The following VCAN variants were observed in gnomAD, a reference collection of about 807,000 sequenced individuals.
VCAN encodes the protein versican core protein.
A neutral mutation model predicts 245.5 loss-of-function variants in VCAN; 44 were observed. The observed-to-expected ratio is 0.18, with a 90% CI of 0.14 to 0.23. The LOEUF is 0.23. VCAN is among the 10% of genes least tolerant of loss of function. The probability of loss-of-function intolerance (pLI) is 1.00; values close to 1 mark genes in which losing one functional copy is unlikely to be tolerated. For missense variants in VCAN, 3,793 were observed against 4,057.9 expected, an observed-to-expected ratio of 0.93 and a Z score of 1.77; for synonymous variants, 1,413 against 1,437.0, an observed-to-expected ratio of 0.98 and a Z score of 0.38.
intron 8 of VCAN, among the ~76,000 whole-genome samples, chr5:83,542,936 A>G (rs542993397): frequency 1.3e-4 from 20 of 152,198 alleles, no homozygotes; most frequent in South Asian, 4.1e-4. Flanking sequence ...ACTGATTCAT[A>G]TAAGCCATCT....
intron 8 of VCAN, among the ~76,000 whole-genome samples, chr5:83,543,791 C>T (rs1052054111): frequency 3.9e-5 from 6 of 152,280 alleles, no homozygotes; most frequent in East Asian, 1.9e-4. Context: ...TTATAGTTTG[C>T]GTCTTCATTG....
rs995956337 is a variant in VCAN, at chr5:83,558,816, A to T, written c.9735+3778A>T. The stretch of plus-strand genomic sequence containing the variant: ...GTTGTTATCATTGATGAAATGCCAA[A>T]TTCTCATTTCTGTTATATTTTTAAA... On this transcript the variant is annotated intron_variant, in intron 12 of 14. Coordinates refer to ENST00000265077, the MANE Select transcript of VCAN (RefSeq NM_004385.5). Among the ~76,000 whole-genome samples, 3 of 152,092 alleles carry T rather than the reference A, an allele frequency of 2.0e-5. No individual in the cohort carries two copies. In the South Asian group the frequency reaches 6.2e-4, roughly 31 times the overall value.
At chr5:83,513,933 G>T (rs1261526899) in intron 6 of VCAN, among the ~76,000 whole-genome samples, 1 of 152,042 alleles carries the variant, frequency 6.6e-6, no homozygotes, top group Non-Finnish European at 1.5e-5. Flanking sequence ...ATTTTCTTGT[G>T]CTTTATTAAT....
In VCAN at chr5:83,538,931, T is replaced by C. The variant is rs182423573; in HGVS notation, c.5928T>C (p.Thr1976=). 2.5e-6 allele frequency: 4 copies of C among 1,613,992 alleles called. No homozygotes were observed. In the East Asian group the frequency reaches 6.7e-5, roughly 27 times the overall value. ...AGACTTCACCATCTACAGTACCTAC[T>C]TCAGTTCACATCAGTCACATATCTG... The part of the protein sequence containing the change: ...DTQTSPSTVP[T]SVHISHISDS... Residue 1976 remains threonine, a synonymous_variant, in exon 8 of 15, where the codon ACT becomes ACC. Coordinates refer to ENST00000265077, the MANE Select transcript of VCAN (RefSeq NM_004385.5).
At chr5:83,535,836 GTAT>G (rs1746686653) in intron 7 of VCAN, 1 of 152,156 alleles carries the variant, frequency 6.6e-6, no homozygotes. Flanking sequence ...TCATTCTGTA[GTAT>G]TATTCCTATG....
chr5:83,490,969 C>A (rs1744964198), intron 3 of VCAN, among the ~76,000 whole-genome samples: 1 of 151,862 alleles, frequency 6.6e-6, no homozygotes, highest in African/African-American at 2.4e-5. Flanking sequence ...TTAACTTATA[C>A]CGAAGAAATA....
chr5:83,497,673 T>C (rs1479424821), intron 5 of VCAN, among the ~76,000 whole-genome samples: 1 of 151,996 alleles, frequency 6.6e-6, no homozygotes, highest in Non-Finnish European at 1.5e-5. Flanking sequence ...ATAATCCTTA[T>C]TAGGAATTTT....
chr5:83,479,162 T>C lies in VCAN; in HGVS notation c.-6-4351T>C, dbSNP rs532988321. Among the ~76,000 whole-genome samples, 3 of 152,300 alleles carry C rather than the reference T, an allele frequency of 2.0e-5. No individual in the cohort carries two copies. In the East Asian group the frequency reaches 5.8e-4, roughly 29 times the overall value. ...AAGAACCAGTGAGCAATATGATATGTGATGCTCATTACATCCACTTTGTAG... is the reference window on the plus strand; with the variant it reads ...AAGAACCAGTGAGCAATATGATATGCGATGCTCATTACATCCACTTTGTAG... On this transcript the variant is annotated intron_variant, in intron 1 of 14. Transcript: ENST00000265077.
intron 13 of VCAN, among the ~76,000 whole-genome samples, chr5:83,578,299 AAG>A (rs535107925): frequency 3.5e-4 from 54 of 152,172 alleles, no homozygotes; most frequent in African/African-American, 1.2e-3. Context: ...TAAGGACACA[AAG>A]AGGGGAAAAA....
chr5:83,532,756 A>G (rs1348204851), intron 7 of VCAN, among the ~76,000 whole-genome samples: 1 of 152,142 alleles, frequency 6.6e-6, no homozygotes, highest in Non-Finnish European at 1.5e-5. Flanking sequence ...TCGCGAACTT[A>G]TTTAAAGAAT....
chr5:83,566,632 G>T (rs1748087463), intron 12 of VCAN, among the ~76,000 whole-genome samples: 1 of 151,962 alleles, frequency 6.6e-6, no homozygotes, highest in South Asian at 2.1e-4. Context: ...ACTTTGCAAA[G>T]AACTGGGAAG....
intron 12 of VCAN, among the ~76,000 whole-genome samples, chr5:83,557,286 C>T (rs952864888): frequency 3.9e-5 from 6 of 152,202 alleles, no homozygotes; most frequent in Non-Finnish European, 7.4e-5. Flanking sequence ...TTATTCTTAG[C>T]ATGTATGTGT....
chr5:83,490,498 G>C, intron 3 of VCAN, 26 bp downstream of exon 3: 1 of 1,612,746 alleles, frequency 6.2e-7, no homozygotes, highest in Non-Finnish European at 8.5e-7. Context: ...TCTGCAAGAA[G>C]GTAGTATAAC....
chr5:83,496,628 T>C (rs1580607687), intron 5 of VCAN, among the ~76,000 whole-genome samples: 1 of 152,196 alleles, frequency 6.6e-6, no homozygotes, highest in East Asian at 1.9e-4. Flanking sequence ...GTTCCTGACA[T>C]TTTTTTCCTC....
chr5:83,544,728 A>G (rs1747140923), intron 8 of VCAN, among the ~76,000 whole-genome samples: 1 of 152,200 alleles, frequency 6.6e-6, no homozygotes, highest in Non-Finnish European at 1.5e-5. Flanking sequence ...AATATAAAAT[A>G]TATGCTTCAA....
chr5:83,479,105 C>T (rs1744524082), intron 1 of VCAN, among the ~76,000 whole-genome samples: 1 of 152,118 alleles, frequency 6.6e-6, no homozygotes, highest in African/African-American at 2.4e-5. Flanking sequence ...CACGTGATTT[C>T]TCTCTGCTGT....
At chr5:83,564,953 G>A (rs569300041) in intron 12 of VCAN, among the ~76,000 whole-genome samples, 1 of 152,078 alleles carries the variant, frequency 6.6e-6, no homozygotes, top group East Asian at 1.9e-4. Context: ...AAACTATGGC[G>A]AATTTTAAAA....
chr5:83,566,471 T>G (rs1051854476), intron 12 of VCAN, among the ~76,000 whole-genome samples: 2 of 151,852 alleles, frequency 1.3e-5, no homozygotes, highest in African/African-American at 4.9e-5. Flanking sequence ...CAGTTGGGAT[T>G]TCCTAGACAC....
At chr5:83,579,709 C>T (rs1748602215) in intron 13 of VCAN, among the ~76,000 whole-genome samples, 1 of 152,002 alleles carries the variant, frequency 6.6e-6, no homozygotes, top group Non-Finnish European at 1.5e-5. Context: ...AATAGTGGCC[C>T]TTCCAGAGGG....
Sources: allele counts gnomAD v4.1 joint callset (sites outside exome capture counted in the v4.1 genomes callset), GRCh38; gene constraint gnomAD v4.1.1; transcripts MANE v1.5; gene names NCBI Gene and HGNC (gene_info 2026-07-23, HGNC 2026-07-21).